The following KIAA1549L variants were observed in gnomAD, a reference collection of about 807,000 sequenced individuals.
KIAA1549L encodes KIAA1549 like.
A neutral mutation model predicts 160.7 loss-of-function variants in KIAA1549L; 88 were observed. The observed-to-expected ratio is 0.55, with a 90% CI of 0.46 to 0.65. The LOEUF is 0.65. Among genes scored for constraint, KIAA1549L ranks in the 30% least tolerant of loss-of-function variants. The pLI is 0.00. For missense variants in KIAA1549L, 2,258 were observed against 2,437.5 expected (o/e 0.93, Z 1.55); for synonymous variants, 950 against 976.7 (o/e 0.97, Z 0.51).
chr11:33,606,955 AC>A, intron 14 of KIAA1549L, 133 bp downstream of exon 14: 1 of 679,774 alleles, frequency 1.5e-6, no homozygotes, highest in Non-Finnish European at 2.4e-6. Flanking sequence ...CTCTGCATGT[AC>A]CAGGCCTCTG....
At chr11:33,595,702 T>C (rs1022796972) in intron 12 of KIAA1549L, among the ~76,000 whole-genome samples, 2 of 152,224 alleles carry the variant, frequency 1.3e-5, no homozygotes, top group Non-Finnish European at 2.9e-5. Flanking sequence ...ATGAATCTTA[T>C]GTTTCTGGCT....
Position 33,673,213 on chromosome 11 carries a change from G to C in KIAA1549L, c.*5059G>C, listed in dbSNP as rs1008391908. ...AAAAAAAATGGGAAGTTTGTGATAT[G>C]GCAGAATCTGTCTCCATTGGTCAAA... On this transcript the variant is annotated 3_prime_UTR_variant, in exon 21 of 21. Coordinates refer to ENST00000658780, the MANE Select transcript of KIAA1549L (RefSeq NM_012194.3). 5 of 152,142 alleles carry C rather than the reference G, an allele frequency of 3.3e-5. No individual in the cohort carries two copies. The highest frequency in any genetic ancestry group is 1.2e-4 in the African/African-American group (5 of 41,424). The allele number at this position is 152,142 out of a possible 1,614,324, so 9.4% of individuals were successfully genotyped here.
chr11:33,579,048 G>A (rs1455023580), intron 10 of KIAA1549L, among the ~76,000 whole-genome samples: 1 of 152,234 alleles, frequency 6.6e-6, no homozygotes, highest in Non-Finnish European at 1.5e-5. Flanking sequence ...GCACTTGAGA[G>A]AAGAGCCTTT....
Position 33,440,120 on chromosome 11 carries a change from C to CTTTTTTTTTTTTTTTTTTT in KIAA1549L, c.238+63240_238+63258dup, listed in dbSNP as rs201551936. Among the ~76,000 whole-genome samples, 55 of 83,414 alleles carry CTTTTTTTTTTTTTTTTTTT rather than the reference C, an allele frequency of 6.6e-4. 10 individuals are homozygous for CTTTTTTTTTTTTTTTTTTT. Among genetic ancestry groups the CTTTTTTTTTTTTTTTTTTT allele is most frequent in the Middle Eastern group, 7.7e-3 (1 of 130 alleles). 54.7% of individuals were successfully genotyped at this position (83,414 alleles called of 152,430 possible). A position where few individuals can be genotyped will look rare whatever the true frequency, so the allele number is the denominator to read the frequency against. Reference sequence around the variant, plus strand: ...GGTTATTTCCTCACCTATTTTGTTTCTTTTTTTTTTTTTTTTTTTTTTTTT... The same window carrying CTTTTTTTTTTTTTTTTTTT: ...GGTTATTTCCTCACCTATTTTGTTTCTTTTTTTTTTTTTTTTTTTTTTTTTTTTTTTTTTTTTTTTTTTT... On this transcript the variant is annotated intron_variant, in intron 1 of 20. Transcript: ENST00000658780.
Position 33,544,983 on chromosome 11 carries a change from CA to C in KIAA1549L, c.2991del (p.Ala999GlnfsTer71). On this transcript the variant is annotated frameshift_variant, in exon 3 of 21. Transcript: ENST00000658780. LOFTEE classifies it high-confidence loss of function. ...GCCGCATCTGGCCCAAAGAGGACAC[CA>C]GGGGCAGTCCATACAGCCTTCCCAT... is the stretch of plus-strand genomic sequence containing the variant. ...NKAASGPKRT[P>X]GAVHTAFPFT... 6.2e-7 allele frequency: 1 copy of C among 1,613,948 alleles called. No individual in the cohort carries two copies. The highest frequency in any genetic ancestry group is 8.5e-7 in the Non-Finnish European group (1 of 1,179,880).
chr11:33,502,414 A>C (rs1418376615), intron 1 of KIAA1549L, among the ~76,000 whole-genome samples: 1 of 152,194 alleles, frequency 6.6e-6, no homozygotes, highest in Non-Finnish European at 1.5e-5. Flanking sequence ...GTGGAAAAGA[A>C]ACGTGGTGAT....
intron 1 of KIAA1549L, among the ~76,000 whole-genome samples, chr11:33,407,108 G>A (rs1304476729): frequency 1.9e-5 from 2 of 107,760 alleles, no homozygotes; most frequent in Admixed American, 1.3e-4. Flanking sequence ...TTTTTGAGAC[G>A]GAGTCTCGCT....
rs1429879805 is a variant in KIAA1549L at position 33,435,759 on chromosome 11, G to GAGATATATATATATAT, written c.238+58871_238+58872insGATATATATATATATA. Among the ~76,000 whole-genome samples, 15 of 14,984 alleles carry GAGATATATATATATAT rather than the reference G, an allele frequency of 1.0e-3. 3 individuals carry two copies. The highest frequency in any genetic ancestry group is 3.8e-3 in the East Asian group (2 of 520). 9.8% of individuals were successfully genotyped at this position (14,984 alleles called of 152,430 possible). On this transcript the variant is annotated intron_variant, in intron 1 of 20. Transcript: ENST00000658780. ...CCTTCCAGAGAAACAGAACCAATAA[G>GAGATATATATATATAT]ATATATATATATATATATATATATA...
Position 33,542,089 on chromosome 11 carries a change from A to G in KIAA1549L, c.526A>G (p.Thr176Ala), listed in dbSNP as rs766546734. 1 of 484,788 alleles carries G rather than the reference A, an allele frequency of 2.1e-6. No homozygotes were observed. The highest frequency in any genetic ancestry group is 2.0e-5 in the African/African-American group (1 of 51,184). The allele number at this position is 484,788 out of a possible 1,614,324, so 30.0% of individuals were successfully genotyped here. A position where few individuals can be genotyped will look rare whatever the true frequency, so the allele number is the denominator to read the frequency against. The change falls in exon 2 of 21, where the codon ACC (threonine) becomes GCC (alanine). Residue 176 changes from threonine to alanine, a missense_variant. Thr to Ala is a moderately conservative substitution (Grantham distance 58, BLOSUM62 0). Around this residue, in one of 6 missense-constraint regions of KIAA1549L, gnomAD observed 540 missense variants for 465.7 expected, o/e 1.16. Coordinates refer to ENST00000658780, the MANE Select transcript of KIAA1549L (RefSeq NM_012194.3). Reference sequence around the variant, plus strand: ...CTCCCTCGAACCTTCCAAGGATTCTACCGAGTCCCTGGTCCAACCGGGGCC... The same window carrying G: ...CTCCCTCGAACCTTCCAAGGATTCTGCCGAGTCCCTGGTCCAACCGGGGCC... ...SASLEPSKDS[T>A]ESLVQPGPKG...
At chr11:33,596,182 C>A (rs1009794538) in intron 12 of KIAA1549L, among the ~76,000 whole-genome samples, 2 of 152,156 alleles carry the variant, frequency 1.3e-5, no homozygotes, top group Non-Finnish European at 1.5e-5. Context: ...GTGACACTTT[C>A]TTGCTTTCAA....
chr11:33,397,752 ACAC>A (rs1590218351), intron 1 of KIAA1549L, among the ~76,000 whole-genome samples: 2 of 130,488 alleles, frequency 1.5e-5, no homozygotes, highest in African/African-American at 5.2e-5. Flanking sequence ...ACACACACAC[ACAC>A]AAAAGTGAAA....
chr11:33,433,125 A>G (rs556623127), intron 1 of KIAA1549L, among the ~76,000 whole-genome samples: 59 of 152,248 alleles, frequency 3.9e-4, no homozygotes, highest in Non-Finnish European at 5.3e-4. Context: ...AAAAGAAACT[A>G]TCATCTGATC....
chr11:33,388,705 T>C (rs888689908), intron 1 of KIAA1549L, among the ~76,000 whole-genome samples: 1 of 152,182 alleles, frequency 6.6e-6, no homozygotes, highest in African/African-American at 2.4e-5. Context: ...GACCTTTTAT[T>C]ATAAAAGAGA....
At chr11:33,442,104 A>G (rs11032275) in intron 1 of KIAA1549L, among the ~76,000 whole-genome samples, 28,136 of 149,000 alleles carry the variant, frequency 0.19, 2,422 homozygotes, top group Middle Eastern at 0.29. Flanking sequence ...TGTATAAGGT[A>G]TAAGGAAGGG....
In KIAA1549L at chr11:33,545,181, C is replaced by T. The variant is rs370422408; in HGVS notation, c.3188C>T (p.Ala1063Val). Reference sequence around the variant, plus strand: ...CCCACCAACCTGGAGATGCCCAGAGCATCCACGCCACGCCCACTGACAGTC... The same window carrying T: ...CCCACCAACCTGGAGATGCCCAGAGTATCCACGCCACGCCCACTGACAGTC... Reference protein sequence around the residue: ...PNPTNLEMPRASTPRPLTVTA... With the variant: ...PNPTNLEMPRVSTPRPLTVTA... The change falls in exon 3 of 21, where the codon GCA becomes GTA. Residue 1063 changes from alanine (A) to valine (V), a missense_variant. Around this residue, in one of 6 missense-constraint regions of KIAA1549L, gnomAD observed 1,359 missense variants for 1,546.6 expected, o/e 0.88. Transcript: ENST00000658780. 221 of 1,613,942 alleles carry T rather than the reference C, an allele frequency of 1.4e-4. No individual in the cohort carries two copies. Among genetic ancestry groups the T allele is most frequent in the Non-Finnish European group, 1.7e-4 (205 of 1,179,908 alleles).
At chr11:33,663,590 T>C (rs985123396) in intron 20 of KIAA1549L, among the ~76,000 whole-genome samples, 4 of 152,160 alleles carry the variant, frequency 2.6e-5, no homozygotes, top group East Asian at 1.9e-4. Flanking sequence ...GAGTTGGACA[T>C]TGGCTCTCTC....
At chr11:33,487,991 A>G (rs1387877349) in intron 1 of KIAA1549L, among the ~76,000 whole-genome samples, 1 of 152,234 alleles carries the variant, frequency 6.6e-6, no homozygotes, top group African/African-American at 2.4e-5. Flanking sequence ...GTAGTCCAGG[A>G]ACTGGGCATT....
At chr11:33,598,190 TTGTGTGTG>T (rs57343190) in intron 12 of KIAA1549L, among the ~76,000 whole-genome samples, 2,647 of 135,192 alleles carry the variant, frequency 0.02, 85 homozygotes, top group African/African-American at 0.064. Flanking sequence ...GAGAGAATGT[TTGTGTGTG>T]TGTGTGTGTG....
intron 1 of KIAA1549L, among the ~76,000 whole-genome samples, chr11:33,442,488 C>T (rs547370401): frequency 6.6e-6 from 1 of 152,270 alleles, no homozygotes; most frequent in East Asian, 1.9e-4. Flanking sequence ...GTTATTTTCT[C>T]TCAACTCTTT....
Sources: allele counts gnomAD v4.1 joint callset (sites outside exome capture counted in the v4.1 genomes callset), GRCh38; gene constraint gnomAD v4.1.1; regional missense constraint gnomAD v4.1.1; transcripts MANE v1.5; gene names NCBI Gene and HGNC (gene_info 2026-07-23, HGNC 2026-07-21).